The following SVEP1 variants were observed in gnomAD, a reference collection of about 807,000 sequenced individuals.
SVEP1 encodes the protein sushi, von Willebrand factor type A, EGF and pentraxin domain-containing protein 1.
Under a neutral mutation model 367.3 loss-of-function variants are expected in SVEP1, and 164 were observed. The observed-to-expected ratio is 0.45, with a 90% CI of 0.39 to 0.51. The LOEUF (loss-of-function observed/expected upper bound fraction) is 0.51, where lower values mean the gene tolerates loss of function less well. SVEP1 is among the 20% of genes least tolerant of loss of function. The pLI, the probability that SVEP1 is intolerant of heterozygous loss-of-function variation, is 0.00. For missense variants in SVEP1, 4,117 were observed against 4,425.3 expected (o/e 0.93, Z 1.98); for synonymous variants, 1,666 against 1,611.6 (o/e 1.03, Z -0.81).
intron 3 of SVEP1, among the ~76,000 whole-genome samples, chr9:110,542,465 A>G (rs563468293): frequency 9.2e-5 from 14 of 152,162 alleles, no homozygotes; most frequent in Non-Finnish European, 1.8e-4. Flanking sequence ...AATGAAATTT[A>G]ACATCCTCTC....
At chr9:110,517,751 TAAAAAAAA>T (rs5899902) in intron 3 of SVEP1, among the ~76,000 whole-genome samples, 1 of 50,528 alleles carries the variant, frequency 2.0e-5, no homozygotes, top group African/African-American at 8.2e-5. Context: ...ACCTGGCTCT[TAAAAAAAA>T]AAAAAAAAAA....
At chr9:110,522,454 G>A (rs1280508886) in intron 3 of SVEP1, among the ~76,000 whole-genome samples, 1 of 152,204 alleles carries the variant, frequency 6.6e-6, no homozygotes, top group East Asian at 1.9e-4. Flanking sequence ...GGATAGGCCA[G>A]TGGGCCAGCA....
At chr9:110,401,792 A>T (rs1423523540) in intron 39 of SVEP1, among the ~76,000 whole-genome samples, 1 of 151,958 alleles carries the variant, frequency 6.6e-6, no homozygotes, top group Non-Finnish European at 1.5e-5. Context: ...GAAAATGGTT[A>T]ATCTGTTGGG....
At chr9:110,384,161 C>T (rs1008378113) in intron 43 of SVEP1, among the ~76,000 whole-genome samples, 11 of 152,112 alleles carry the variant, frequency 7.2e-5, no homozygotes, top group African/African-American at 2.4e-4. Context: ...GCCCTGGTGG[C>T]GTGGGCTCAT....
intron 24 of SVEP1, 72 bp from the exon 25 acceptor site, chr9:110,447,129 C>T (rs1343859869): frequency 2.0e-5 from 26 of 1,271,356 alleles, no homozygotes; most frequent in Admixed American, 7.8e-5. Context: ...AATCTTATCT[C>T]GAAAGACTTT....
chr9:110,455,727 G>C (rs1382387006), intron 21 of SVEP1, 24 bp from the exon 22 acceptor site: 2 of 1,577,868 alleles, frequency 1.3e-6, no homozygotes, highest in Non-Finnish European at 1.7e-6. Context: ...CAAATGCTGA[G>C]GGACAATCCA....
intron 44 of SVEP1, 142 bp from the exon 45 acceptor site, chr9:110,377,508 G>T: frequency 1.5e-6 from 1 of 656,396 alleles, no homozygotes; most frequent in East Asian, 2.8e-5. Context: ...TCTCAGGAGG[G>T]AATTTCAGTA....
intron 1 of SVEP1, among the ~76,000 whole-genome samples, chr9:110,566,374 T>C (rs1025789893): frequency 1.3e-5 from 2 of 149,416 alleles, no homozygotes; most frequent in Admixed American, 6.7e-5. Context: ...AAATAAATAA[T>C]AACCTAAGTA....
At chr9:110,424,617 T>A (rs1160811019) in intron 36 of SVEP1, among the ~76,000 whole-genome samples, 1 of 152,204 alleles carries the variant, frequency 6.6e-6, no homozygotes. Flanking sequence ...TGCACTTTTA[T>A]TTCAGCAATG....
chr9:110,392,582 A>AGCAG (rs1294482079), intron 40 of SVEP1, among the ~76,000 whole-genome samples: 5 of 152,124 alleles, frequency 3.3e-5, no homozygotes, highest in African/African-American at 1.2e-4. Context: ...TCTGCTATTT[A>AGCAG]AATTCTATTT....
In SVEP1 at chr9:110,408,898, G is replaced by A. The variant is rs1828000621; in HGVS notation, c.6702C>T (p.Gly2234=). 6.2e-7 allele frequency: 1 copy of A among 1,611,762 alleles called. No individual in the cohort carries two copies. Among genetic ancestry groups the A allele is most frequent in the Non-Finnish European group, 8.5e-7 (1 of 1,178,978 alleles). Residue 2234 remains glycine, a synonymous_variant, in exon 38 of 48, where the codon GGC becomes GGT. Coordinates refer to ENST00000374469, the MANE Select transcript of SVEP1 (RefSeq NM_153366.4). The part of the protein sequence containing the change: ...ESEVRYQCNP[G]YKSVGSPVFV... Reference sequence around the variant, plus strand: ...ATACAGGACTTCCGACTGACTTATAGCCCGGGTTACACTGATACCTCACTT... The same window carrying A: ...ATACAGGACTTCCGACTGACTTATAACCCGGGTTACACTGATACCTCACTT...
chr9:110,385,261 G>T (rs1017278904), intron 43 of SVEP1, among the ~76,000 whole-genome samples: 1 of 152,252 alleles, frequency 6.6e-6, no homozygotes, highest in African/African-American at 2.4e-5. Flanking sequence ...GATTACAGGT[G>T]TGAGCCACCG....
Position 110,430,381 on chromosome 9 carries a change from C to T in SVEP1, c.5423G>A (p.Gly1808Asp), listed in dbSNP as rs1828333145. 6 of 1,613,238 alleles carry T rather than the reference C, an allele frequency of 3.7e-6. No homozygotes were observed. The East Asian group carries it at 1.3e-4, about 36-fold the overall frequency. Residue 1808 changes from glycine (G) to aspartate (D), a missense_variant, in exon 33 of 48, where the codon GGT becomes GAT. Gly to Asp is a moderately conservative substitution (Grantham distance 94, BLOSUM62 -1). This residue lies in a region of SVEP1 where 2,174 missense variants were observed against 2,494.3 expected (regional missense o/e 0.87). Coordinates refer to ENST00000374469, the MANE Select transcript of SVEP1 (RefSeq NM_153366.4). ...GHSSGEIYTV[G>D]AEVTFSCQEG... is the part of the protein sequence containing the mutation. Reference sequence around the variant, plus strand: ...CTGACACGAAAATGTGACTTCGGCACCTACTGTATAAATCTCACCTGAGGA... The same window carrying T: ...CTGACACGAAAATGTGACTTCGGCATCTACTGTATAAATCTCACCTGAGGA...
At chr9:110,475,524 CATTATT>C (rs958394196) in intron 14 of SVEP1, among the ~76,000 whole-genome samples, 6 of 147,266 alleles carry the variant, frequency 4.1e-5, no homozygotes, top group South Asian at 2.2e-4. Flanking sequence ...ATAACAATAT[CATTATT>C]ATTATTATCT....
At position 110,511,798 on chromosome 9, in the gene SVEP1, A is replaced by G. The variant is rs76757690; in HGVS notation, c.1303+1128T>C. On this transcript the variant is annotated intron_variant, in intron 5 of 47. Transcript: ENST00000374469. ...TCCTGGGATTCACAAATGATCTTGG[A>G]GTCATGAGTAGGTGGTTCTCCCTTA... Among the ~76,000 whole-genome samples, 674 of 152,208 alleles carry G rather than the reference A, an allele frequency of 4.4e-3. 8 individuals are homozygous for G. Among genetic ancestry groups the G allele is most frequent in the African/African-American group, 0.016 (646 of 41,530 alleles).
intron 6 of SVEP1, among the ~76,000 whole-genome samples, chr9:110,502,133 T>C (rs1360373598): frequency 6.6e-6 from 1 of 151,400 alleles, no homozygotes; most frequent in Non-Finnish European, 1.5e-5. Flanking sequence ...GACAGAGTTT[T>C]GCACTGTCGC....
rs970997003 is a variant in SVEP1 at position 110,427,604 on chromosome 9, T to C, written c.5962A>G (p.Thr1988Ala). The C allele has an allele frequency of 1.2e-6, 2 of 1,613,516 alleles. No homozygotes were observed. The highest frequency in any genetic ancestry group is 2.2e-5 in the East Asian group (1 of 44,860). Reference sequence around the variant, plus strand: ...GGCCCTACTCACCCTTCTTTGCAAGTGTAAGTGACGGTGTTCCTGAAAGTG... The same window carrying C: ...GGCCCTACTCACCCTTCTTTGCAAGCGTAAGTGACGGTGTTCCTGAAAGTG... ...NFTFRNTVTY[T>A]CKEGYTLAGL... The change falls in exon 36 of 48, where the codon ACT becomes GCT. Residue 1988 changes from threonine to alanine, a missense_variant. Transcript: ENST00000374469.
chr9:110,559,326 TTAA>T (rs539514294), intron 1 of SVEP1, among the ~76,000 whole-genome samples: 43 of 152,104 alleles, frequency 2.8e-4, no homozygotes, highest in Non-Finnish European at 4.9e-4. Flanking sequence ...AAATATAGTA[TTAA>T]TGTCTTTAAA....
chr9:110,394,785 G>C (rs1346081201), intron 40 of SVEP1, among the ~76,000 whole-genome samples: 1 of 152,154 alleles, frequency 6.6e-6, no homozygotes, highest in East Asian at 1.9e-4. Context: ...AATGAAGCAA[G>C]AAGAGAAGTT....
Sources: gnomAD v4.1 joint callset for allele counts (sites outside exome capture counted in the v4.1 genomes callset) on GRCh38, gnomAD v4.1.1 for gene constraint, gnomAD v4.1.1 regional missense constraint, MANE v1.5 for transcripts, NCBI Gene and HGNC (gene_info 2026-07-23, HGNC 2026-07-21) for gene names.